Variants in OIT3 observed in about 807,000 individuals in gnomAD.
The protein encoded by OIT3 is oncoprotein-induced transcript 3 protein.
OIT3 carries 41 observed loss-of-function variants against 52.2 expected under a neutral mutation model. That is an observed-to-expected ratio of 0.79 (90% CI 0.61 to 1.02). The LOEUF (loss-of-function observed/expected upper bound fraction) is 1.02. OIT3 is among the 50% of genes least tolerant of loss of function. OIT3 has a pLI of 0.00. For missense variants in OIT3, 634 were observed against 715.5 expected, an observed-to-expected ratio of 0.89 and a Z score of 1.30; for synonymous variants, 244 against 276.9, an observed-to-expected ratio of 0.88 and a Z score of 1.18.
At chr10:72,927,585 T>G (rs966879732) in intron 7 of OIT3, among the ~76,000 whole-genome samples, 2 of 152,200 alleles carry the variant, frequency 1.3e-5, no homozygotes, top group African/African-American at 4.8e-5. Flanking sequence ...GTGGCCCTAC[T>G]TTGTAAGCAG....
At chr10:72,902,426 T>A (rs1201920503) in intron 3 of OIT3, among the ~76,000 whole-genome samples, 1 of 152,166 alleles carries the variant, frequency 6.6e-6, no homozygotes, top group Non-Finnish European at 1.5e-5. Context: ...TTGCCCCATT[T>A]CCCTCTTCCC....
intron 6 of OIT3, among the ~76,000 whole-genome samples, chr10:72,915,867 C>T (rs1053740462): frequency 5.9e-5 from 9 of 152,152 alleles, no homozygotes; most frequent in South Asian, 2.1e-4. Flanking sequence ...CTGTGAATAA[C>T]CTCAGAAGCA....
intron 3 of OIT3, among the ~76,000 whole-genome samples, chr10:72,904,031 G>A (rs930501671): frequency 2.0e-5 from 3 of 152,166 alleles, no homozygotes; most frequent in Admixed American, 2.0e-4. Context: ...GGGCCTGGTA[G>A]TTAAAGATCG....
chr10:72,918,211 C>T, intron 6 of OIT3: 2 of 907,002 alleles, frequency 2.2e-6, no homozygotes, highest in Non-Finnish European at 1.8e-6. Context: ...CTAATATGCA[C>T]TGTCCCTAAA....
intron 4 of OIT3, among the ~76,000 whole-genome samples, chr10:72,907,023 T>C (rs1260226940): frequency 6.6e-6 from 1 of 152,068 alleles, no homozygotes; most frequent in Non-Finnish European, 1.5e-5. Flanking sequence ...TCACAGCACT[T>C]TGGGAGGCTG....
Position 72,904,199 on chromosome 10 carries a change from A to T in OIT3, c.545-2397A>T, listed in dbSNP as rs190667325. Reference sequence around the variant, plus strand: ...TTGCTCAATCGATCATGACCCTCTCACGCAGACCCCCTTAGAGTTGTAAGC... The same window carrying T: ...TTGCTCAATCGATCATGACCCTCTCTCGCAGACCCCCTTAGAGTTGTAAGC... On this transcript the variant is annotated intron_variant, in intron 3 of 8. Coordinates refer to ENST00000334011, the MANE Select transcript of OIT3 (RefSeq NM_152635.3). Among the ~76,000 whole-genome samples, 4 of 152,122 alleles carry T rather than the reference A, an allele frequency of 2.6e-5. No individual in the cohort carries two copies. The East Asian group carries it at 7.7e-4, about 29-fold the overall frequency.
intron 3 of OIT3, among the ~76,000 whole-genome samples, chr10:72,901,175 A>AT (rs1409416542): frequency 9.9e-5 from 15 of 152,224 alleles, no homozygotes; most frequent in African/African-American, 2.6e-4. Context: ...TCGCCAGTTT[A>AT]TTTTTAAAAA....
chr10:72,927,465 C>A (rs897237061), intron 7 of OIT3, among the ~76,000 whole-genome samples: 1 of 152,110 alleles, frequency 6.6e-6, no homozygotes, highest in Non-Finnish European at 1.5e-5. Flanking sequence ...TTAGACAGTT[C>A]TAAGAAGCTG....
rs56012852 is a variant in OIT3 at position 72,918,545 on chromosome 10, C to T, written c.951+5077C>T. 11 of 1,316,962 alleles carry T rather than the reference C, an allele frequency of 8.4e-6. No individual in the cohort carries two copies. In the South Asian group the frequency reaches 1.2e-4, roughly 14 times the overall value. The allele number at this position is 1,316,962 out of a possible 1,614,324, so 81.6% of individuals were successfully genotyped here. On this transcript the variant is annotated intron_variant, in intron 6 of 8. Coordinates refer to ENST00000334011, the MANE Select transcript of OIT3 (RefSeq NM_152635.3). ...CATCGAATCTTCCATCGGGTGGCGGCACACACTTAGGTGGGAGAGAAGGCG... is the reference window on the plus strand; with the variant it reads ...CATCGAATCTTCCATCGGGTGGCGGTACACACTTAGGTGGGAGAGAAGGCG...
At chr10:72,923,166 C>T (rs565577959) in intron 6 of OIT3, among the ~76,000 whole-genome samples, 3 of 152,266 alleles carry the variant, frequency 2.0e-5, no homozygotes, top group East Asian at 1.9e-4. Flanking sequence ...TGTGAGCCAC[C>T]GTGCCTGGCC....
At chr10:72,914,843 G>T (rs1846060100) in intron 6 of OIT3, among the ~76,000 whole-genome samples, 1 of 152,122 alleles carries the variant, frequency 6.6e-6, no homozygotes, top group African/African-American at 2.4e-5. Flanking sequence ...ATGTGGGTCT[G>T]CCCAAGAAGT....
chr10:72,899,005 A>C lies in OIT3; in HGVS notation c.403A>C (p.Lys135Gln). 1 of 1,612,212 alleles carries C rather than the reference A, an allele frequency of 6.2e-7. No homozygotes were observed. The highest frequency in any genetic ancestry group is 2.2e-5 in the East Asian group (1 of 44,826). Reference sequence around the variant, plus strand: ...AGGCTACTATGTGTATCGTCTGACCAAGCCCAGCGTCTGCTTCCACGTCTA... The same window carrying C: ...AGGCTACTATGTGTATCGTCTGACCCAGCCCAGCGTCTGCTTCCACGTCTA... ...PGGYYVYRLT[K>Q]PSVCFHVYCG... Residue 135 changes from lysine (K) to glutamine (Q), a missense_variant, in exon 2 of 9, where the codon AAG (lysine) becomes CAG (glutamine). Coordinates refer to ENST00000334011, the MANE Select transcript of OIT3 (RefSeq NM_152635.3).
intron 1 of OIT3, 140 bp from the exon 2 acceptor site, chr10:72,898,524 C>T (rs1845897152): frequency 1.3e-6 from 1 of 745,750 alleles, no homozygotes; most frequent in Non-Finnish European, 2.2e-6. Context: ...GAACCTTAAA[C>T]AGCTATTTTT....
intron 7 of OIT3, 45 bp from the exon 8 acceptor site, chr10:72,930,493 C>A: frequency 1.4e-6 from 2 of 1,391,168 alleles, no homozygotes; most frequent in Non-Finnish European, 2.0e-6. Context: ...TTTTCCACCT[C>A]TGTTGAAACA....
intron 4 of OIT3, among the ~76,000 whole-genome samples, chr10:72,908,974 G>A (rs1051810836): frequency 1.2e-4 from 18 of 150,520 alleles, no homozygotes; most frequent in African/African-American, 4.4e-4. Context: ...CTACATGCAC[G>A]GGTTTGTTAC....
In OIT3 at chr10:72,930,609, T is replaced by C. The variant is rs921023737; in HGVS notation, c.1439T>C (p.Val480Ala). The change falls in exon 8 of 9, where the codon GTC becomes GCC. Residue 480 changes from valine to alanine, a missense_variant. Val to Ala is a moderately conservative substitution (Grantham distance 64, BLOSUM62 0). Coordinates refer to ENST00000334011, the MANE Select transcript of OIT3 (RefSeq NM_152635.3). Reference protein sequence around the residue: ...DHLAKHFQVPVFKFVGKDHKE... With the variant: ...DHLAKHFQVPAFKFVGKDHKE... ...CTAGCAAAGCACTTCCAGGTCCCTGTCTTCAAGTTTGTGGGCAAAGACCAC... is the reference window on the plus strand; with the variant it reads ...CTAGCAAAGCACTTCCAGGTCCCTGCCTTCAAGTTTGTGGGCAAAGACCAC... 6.2e-6 allele frequency: 10 copies of C among 1,613,214 alleles called. No homozygotes were observed. Among genetic ancestry groups the C allele is most frequent in the Non-Finnish European group, 8.5e-6 (10 of 1,179,426 alleles).
At chr10:72,920,167 A>G (rs1424475646) in intron 6 of OIT3, among the ~76,000 whole-genome samples, 2 of 151,996 alleles carry the variant, frequency 1.3e-5, no homozygotes, top group African/African-American at 2.4e-5. Flanking sequence ...GGGAGGGTGT[A>G]TGTGTCCAGG....
chr10:72,901,793 C>A (rs562597411), intron 3 of OIT3, among the ~76,000 whole-genome samples: 45 of 152,272 alleles, frequency 3.0e-4, no homozygotes, highest in Non-Finnish European at 5.7e-4. Flanking sequence ...CCTGTAATCC[C>A]AGCGCTTTGA....
Position 72,932,363 on chromosome 10 carries a change from C to G in OIT3, c.1477C>G (p.Leu493Val), listed in dbSNP as rs765563810. The G allele has an allele frequency of 1.2e-6, 2 of 1,614,050 alleles. No homozygotes were observed. The change falls in exon 9 of 9, where the codon CTG becomes GTG. Residue 493 changes from leucine to valine, a missense_variant. Physicochemically the swap from Leu to Val is conservative, Grantham distance 32. Coordinates refer to ENST00000334011, the MANE Select transcript of OIT3 (RefSeq NM_152635.3). Reference protein sequence around the residue: ...FVGKDHKEVFLHCRVLVCGVL... With the variant: ...FVGKDHKEVFVHCRVLVCGVL... ...GTGATCATCTCTTCAGGAAGTGTTT[C>G]TGCACTGCCGGGTTCTTGTCTGTGG...
Sources: allele counts gnomAD v4.1 joint callset (sites outside exome capture counted in the v4.1 genomes callset), GRCh38; gene constraint gnomAD v4.1.1; transcripts MANE v1.5; gene names NCBI Gene and HGNC (gene_info 2026-07-23, HGNC 2026-07-21).